Variants in BIRC6 observed in about 807,000 individuals in gnomAD.
BIRC6 encodes dual E2 ubiquitin-conjugating enzyme/E3 ubiquitin-protein ligase BIRC6.
A neutral mutation model predicts 503.3 loss-of-function variants in BIRC6; 98 were observed. The ratio of observed to expected loss-of-function variants is 0.19; its 90% confidence interval spans 0.17 to 0.23. The LOEUF (loss-of-function observed/expected upper bound fraction) is 0.23, where lower values mean the gene tolerates loss of function less well. Ranked by LOEUF, BIRC6 falls within the 10% of genes least tolerant of loss-of-function variation. The pLI is 1.00. For synonymous variants in BIRC6, 2,240 were observed against 2,078.7 expected (o/e 1.08, Z -2.11); for missense variants, 5,360 against 5,806.0 (o/e 0.92, Z 2.50).
chr2:32,397,917 A>G (rs1035880656), intron 6 of BIRC6, among the ~76,000 whole-genome samples: 2 of 151,984 alleles, frequency 1.3e-5, no homozygotes, highest in Non-Finnish European at 2.9e-5. Flanking sequence ...CAGGGAGTCT[A>G]CCTCTTCTTT....
rs1433573947 is a variant in BIRC6 at position 32,370,012 on chromosome 2, A to ATGCATATATGTATG, written c.326-7574_326-7561dup. Among the ~76,000 whole-genome samples the ATGCATATATGTATG allele has an allele frequency of 4.3e-5, 6 of 138,628 alleles. No homozygotes were observed. In the East Asian group the frequency reaches 1.3e-3, roughly 29 times the overall value. The allele number at this position is 138,628 out of a possible 152,430, so 90.9% of individuals were successfully genotyped here. On this transcript the variant is annotated intron_variant, in intron 1 of 73. Transcript: ENST00000421745. ...TATGTATGTATGTGTGTGTATATAT[A>ATGCATATATGTATG]TGCATATATGTATGTATATATATGT...
chr2:32,448,734 A>G (rs893703693), intron 21 of BIRC6, 61 bp from the exon 22 acceptor site: 1 of 1,513,114 alleles, frequency 6.6e-7, no homozygotes, highest in East Asian at 2.3e-5. Context: ...AACTAAGTAA[A>G]GGTAATTTGT....
rs115096715 is a variant in BIRC6, at chr2:32,587,711, G to A, written c.13356-6204G>A. ...TGCACTCCATCCTGTGCGACAGAGC[G>A]AGAATCTATCTCAGAAAAATAAAAA... On this transcript the variant is annotated intron_variant, in intron 66 of 73. Coordinates refer to ENST00000421745, the MANE Select transcript of BIRC6 (RefSeq NM_016252.4). 8.7e-3 allele frequency among the ~76,000 whole-genome samples: 1,328 copies of A among 152,272 alleles called. 11 individuals are homozygous for A. The highest frequency in any genetic ancestry group is 0.02 in the Middle Eastern group (6 of 294).
chr2:32,408,427 C>CA, intron 9 of BIRC6, among the ~76,000 whole-genome samples: 1 of 152,056 alleles, frequency 6.6e-6, no homozygotes, highest in Non-Finnish European at 1.5e-5. Context: ...TGAACTCTTT[C>CA]AAAAAATAAC....
At chr2:32,512,551 A>T (rs1327495830) in intron 53 of BIRC6, among the ~76,000 whole-genome samples, 4 of 152,234 alleles carry the variant, frequency 2.6e-5, no homozygotes, top group Non-Finnish European at 1.5e-5. Flanking sequence ...GTAAGTGTTG[A>T]GAGTGTATTC....
chr2:32,474,606 A>G (rs1474808885), intron 33 of BIRC6, among the ~76,000 whole-genome samples: 1 of 152,202 alleles, frequency 6.6e-6, no homozygotes, highest in Non-Finnish European at 1.5e-5. Context: ...GGAATTATAA[A>G]CGAAAGTAAT....
chr2:32,491,600 T>TA, intron 44 of BIRC6, 42 bp downstream of exon 44: 1 of 1,582,736 alleles, frequency 6.3e-7, no homozygotes, highest in Non-Finnish European at 8.6e-7. Context: ...GACTATTCAA[T>TA]AAACAGTATT....
At position 32,594,024 on chromosome 2, in the gene BIRC6, T is replaced by C. The variant is rs763814064; in HGVS notation, c.13465T>C (p.Tyr4489His). Residue 4489 changes from tyrosine to histidine, a missense_variant, in exon 67 of 74, where the codon TAT (tyrosine) becomes CAT (histidine). By Grantham distance (83) the Tyr-to-His change is moderately conservative (BLOSUM62 2). Around this residue, in one of 16 missense-constraint regions of BIRC6, gnomAD observed 477 missense variants for 574.4 expected, o/e 0.83. Transcript: ENST00000421745. ...PDIQKTAEIV[Y>H]AATTSLRQAN... is the part of the protein sequence containing the mutation. ...CATCCAAAAGACTGCTGAGATAGTT[T>C]ATGCAGCCACCACCAGTTTGCGGCA... 18 of 1,613,028 alleles carry C rather than the reference T, an allele frequency of 1.1e-5. No homozygotes were observed. The highest frequency in any genetic ancestry group is 6.7e-5 in the Admixed American group (4 of 59,914).
In BIRC6 at chr2:32,435,513, G is replaced by A. The variant is rs868813139; in HGVS notation, c.3427G>A (p.Glu1143Lys). 1 of 1,553,822 alleles carries A rather than the reference G, an allele frequency of 6.4e-7. No homozygotes were observed. Among genetic ancestry groups the A allele is most frequent in the Non-Finnish European group, 8.7e-7 (1 of 1,147,724 alleles). The change falls in exon 14 of 74, where the codon GAA (glutamate) becomes AAA (lysine). Residue 1143 changes from glutamate (E) to lysine (K), a missense_variant. Around this residue, in one of 16 missense-constraint regions of BIRC6, gnomAD observed 2,299 missense variants for 2,267.2 expected, o/e 1.01. Coordinates refer to ENST00000421745, the MANE Select transcript of BIRC6 (RefSeq NM_016252.4). ...GTCTCCAGCTCTTAACATTGAAGTG[G>A]AACAAAATGGGAAACCGTCCCTGGT... Reference protein sequence around the residue: ...GKVNALNIEVEQNGKPSLVDL... With the variant: ...GKVNALNIEVKQNGKPSLVDL...
At chr2:32,393,480 G>C (rs2149591533) in intron 5 of BIRC6, among the ~76,000 whole-genome samples, 1 of 152,292 alleles carries the variant, frequency 6.6e-6, no homozygotes, top group Admixed American at 6.5e-5. Context: ...ATACTTATAT[G>C]TCAGTTTAAA....
At chr2:32,489,355 A>G (rs1274490323) in intron 42 of BIRC6, among the ~76,000 whole-genome samples, 1 of 151,990 alleles carries the variant, frequency 6.6e-6, no homozygotes, top group African/African-American at 2.4e-5. Flanking sequence ...TCACGCACAG[A>G]TTCTACTTAC....
In BIRC6 at chr2:32,441,478, T is replaced by C. The variant is rs774425651; in HGVS notation, c.3944+16T>C. The C allele has an allele frequency of 5.6e-6, 9 of 1,596,230 alleles. No homozygotes were observed. The South Asian group carries it at 7.8e-5, about 14-fold the overall frequency. On this transcript the variant is annotated intron_variant, in intron 17 of 73. Transcript: ENST00000421745. Reference sequence around the variant, plus strand: ...CTAAGGAAAGGTAATTTCATTGCATTATCTTGTTATTCTTACAGTAATGAA... The same window carrying C: ...CTAAGGAAAGGTAATTTCATTGCATCATCTTGTTATTCTTACAGTAATGAA...
Position 32,463,340 on chromosome 2 carries a change from C to G in BIRC6, c.4900C>G (p.Leu1634Val). 1 of 1,613,170 alleles carries G rather than the reference C, an allele frequency of 6.2e-7. No individual in the cohort carries two copies. The highest frequency in any genetic ancestry group is 8.5e-7 in the Non-Finnish European group (1 of 1,179,574). The change falls in exon 24 of 74, where the codon CTG becomes GTG. Residue 1634 changes from leucine to valine, a missense_variant. Around this residue, in one of 16 missense-constraint regions of BIRC6, gnomAD observed 2,299 missense variants for 2,267.2 expected, o/e 1.01. Transcript: ENST00000421745. ...TTCAGCCGAGCAACAGCTACAGGTG[C>G]TGCAAGAGAAACAGCAGCAGCTTTT... ...MASAEQQLQV[L>V]QEKQQQLLKL...
chr2:32,457,118 A>G (rs2047346489), intron 23 of BIRC6, among the ~76,000 whole-genome samples: 1 of 152,170 alleles, frequency 6.6e-6, no homozygotes, highest in South Asian at 2.1e-4. Context: ...TCTGATGTTT[A>G]CTTAGCTAAC....
At chr2:32,375,501 C>T (rs926578993) in intron 1 of BIRC6, among the ~76,000 whole-genome samples, 1 of 151,820 alleles carries the variant, frequency 6.6e-6, no homozygotes, top group Non-Finnish European at 1.5e-5. Context: ...ACAAAAAAAA[C>T]CCCCAAAAAA....
intron 49 of BIRC6, among the ~76,000 whole-genome samples, chr2:32,503,968 C>T (rs2053494175): frequency 7.2e-6 from 1 of 138,788 alleles, no homozygotes; most frequent in African/African-American, 2.7e-5. Context: ...TCTCATGCCT[C>T]AGCCTCCTGA....
At chr2:32,570,152 T>C (rs557104553) in intron 65 of BIRC6, among the ~76,000 whole-genome samples, 1 of 152,336 alleles carries the variant, frequency 6.6e-6, no homozygotes, top group East Asian at 1.9e-4. Context: ...TTTTCAACAT[T>C]TATTGAAATG....
At chr2:32,504,339 A>G (rs1219722689) in intron 49 of BIRC6, among the ~76,000 whole-genome samples, 3 of 151,920 alleles carry the variant, frequency 2.0e-5, no homozygotes, top group African/African-American at 7.3e-5. Flanking sequence ...TGATTTTTTT[A>G]AAGGTGAAGG....
Position 32,367,772 on chromosome 2 carries a change from C to A in BIRC6, c.326-9816C>A, listed in dbSNP as rs367563932. ...TAGAGGTTGCAGTCAGTCTAGATCA[C>A]AGCACTGCACTCCAGTCTGGGCGAG... On this transcript the variant is annotated intron_variant, in intron 1 of 73. Coordinates refer to ENST00000421745, the MANE Select transcript of BIRC6 (RefSeq NM_016252.4). Among the ~76,000 whole-genome samples, 12 of 152,264 alleles carry A rather than the reference C, an allele frequency of 7.9e-5. No individual in the cohort carries two copies. The South Asian group carries it at 2.5e-3, about 32-fold the overall frequency.
Sources: gnomAD v4.1 joint callset for allele counts (sites outside exome capture counted in the v4.1 genomes callset) on GRCh38, gnomAD v4.1.1 for gene constraint, gnomAD v4.1.1 regional missense constraint, MANE v1.5 for transcripts, NCBI Gene and HGNC (gene_info 2026-07-23, HGNC 2026-07-21) for gene names.